Variants in SMIM17 observed in about 807,000 individuals in gnomAD.
The protein encoded by SMIM17 is small integral membrane protein 17.
SMIM17 carries 10 observed loss-of-function variants against 12.2 expected under a neutral mutation model. That is an observed-to-expected ratio of 0.82 (90% CI 0.50 to 1.39). The LOEUF is 1.39. Ranked by LOEUF, SMIM17 falls within the 40% of genes most tolerant of loss-of-function variation. The pLI is 0.00. For missense variants in SMIM17, 136 were observed against 118.2 expected (o/e 1.15, Z -0.70); for synonymous variants, 50 against 44.1 (o/e 1.13, Z -0.53).
chr19:56,643,648 C>T (rs917262715), intron 1 of SMIM17, among the ~76,000 whole-genome samples: 12 of 152,180 alleles, frequency 7.9e-5, no homozygotes, highest in Non-Finnish European at 2.9e-5. Context: ...TGTGTGTCCG[C>T]CTGGGCCCCT....
In SMIM17 at chr19:56,655,398, G is replaced by T. The variant is rs1273841289; in HGVS notation, c.*185G>T. The T allele has an allele frequency of 2.1e-6, 1 of 478,488 alleles. No homozygotes were observed. Among genetic ancestry groups the T allele is most frequent in the Admixed American group, 3.7e-5 (1 of 27,206 alleles). The allele number at this position is 478,488 out of a possible 1,614,324, so 29.6% of individuals were successfully genotyped here. A position where few individuals can be genotyped will look rare whatever the true frequency, so the allele number is the denominator to read the frequency against. ...GAGTTTTCACATACTTTATTTCCAT[G>T]AAATGAAGACATCATTGATTGTAAA... On this transcript the variant is annotated 3_prime_UTR_variant, in exon 4 of 4. Coordinates refer to ENST00000598409, the MANE Select transcript of SMIM17 (RefSeq NM_001193628.2).
intron 3 of SMIM17, 128 bp from the exon 4 acceptor site, chr19:56,654,975 T>A: frequency 2.0e-6 from 1 of 503,436 alleles, no homozygotes; most frequent in South Asian, 3.9e-5. Flanking sequence ...GTTGTACCGT[T>A]TTAAATTCAA....
intron 3 of SMIM17, among the ~76,000 whole-genome samples, chr19:56,648,797 T>C (rs2045087526): frequency 1.3e-5 from 2 of 152,256 alleles, no homozygotes; most frequent in South Asian, 2.1e-4. Flanking sequence ...AAAAACCTAA[T>C]GTTTTCTTTT....
intron 3 of SMIM17, among the ~76,000 whole-genome samples, chr19:56,654,365 G>T (rs1428995937): frequency 6.6e-6 from 1 of 152,220 alleles, no homozygotes; most frequent in Admixed American, 6.5e-5. Context: ...GGCAAGGAAT[G>T]ACGTCAGCGT....
chr19:56,654,170 C>T (rs1289511601), intron 3 of SMIM17, among the ~76,000 whole-genome samples: 1 of 152,180 alleles, frequency 6.6e-6, no homozygotes, highest in Admixed American at 6.5e-5. Flanking sequence ...TTGGTGCTTA[C>T]AGTGTCATTG....
intron 1 of SMIM17, among the ~76,000 whole-genome samples, chr19:56,644,861 C>T (rs1470992656): frequency 6.6e-6 from 1 of 152,220 alleles, no homozygotes; most frequent in Admixed American, 6.5e-5. Context: ...AAGCCTTGAA[C>T]TCCCAGGTTC....
chr19:56,647,378 T>A (rs1259280945), intron 2 of SMIM17, among the ~76,000 whole-genome samples, 180 bp from the exon 3 acceptor site: 2 of 148,032 alleles, frequency 1.4e-5, no homozygotes, highest in Non-Finnish European at 2.9e-5. Flanking sequence ...TGTGGGGTTG[T>A]GTGTTTGTGT....
chr19:56,649,368 A>G (rs2045092075), intron 3 of SMIM17, among the ~76,000 whole-genome samples: 1 of 152,232 alleles, frequency 6.6e-6, no homozygotes, highest in African/African-American at 2.4e-5. Context: ...CACAGAGTGT[A>G]CAATAGTGAG....
rs1000395072 is a variant in SMIM17 at position 56,645,888 on chromosome 19, G to T, written c.169+52G>T. 6 of 1,478,980 alleles carry T rather than the reference G, an allele frequency of 4.1e-6. No homozygotes were observed. In the Admixed American group the frequency reaches 1.4e-4, roughly 34 times the overall value. The allele number at this position is 1,478,980 out of a possible 1,614,324, so 91.6% of individuals were successfully genotyped here. Reference sequence around the variant, plus strand: ...TGAGTGGGTGGAGAGGAAGGAATTGGCAGAGCCTAGGGAAAGACTAAACAT... The same window carrying T: ...TGAGTGGGTGGAGAGGAAGGAATTGTCAGAGCCTAGGGAAAGACTAAACAT... On this transcript the variant is annotated intron_variant, in intron 2 of 3. Coordinates refer to ENST00000598409, the MANE Select transcript of SMIM17 (RefSeq NM_001193628.2).
Position 56,656,597 on chromosome 19 carries a change from A to G in SMIM17, c.*1384A>G, listed in dbSNP as rs1475095833. Among the ~76,000 whole-genome samples, 1 of 152,148 alleles carries G rather than the reference A, an allele frequency of 6.6e-6. No individual in the cohort carries two copies. The highest frequency in any genetic ancestry group is 1.5e-5 in the Non-Finnish European group (1 of 68,024). ...ATATTCTCTTTATATTTTCTATAAT[A>G]GCATACTTATTAACGCAAATGTACT... On this transcript the variant is annotated 3_prime_UTR_variant, in exon 4 of 4. Transcript: ENST00000598409.
At chr19:56,648,393 C>T (rs1256721544) in intron 3 of SMIM17, among the ~76,000 whole-genome samples, 1 of 152,172 alleles carries the variant, frequency 6.6e-6, no homozygotes, top group Middle Eastern at 3.4e-3. Context: ...ATCCATCCAT[C>T]CATCCATCCA....
At chr19:56,644,645 G>A (rs1331061083) in intron 1 of SMIM17, among the ~76,000 whole-genome samples, 1 of 152,144 alleles carries the variant, frequency 6.6e-6, no homozygotes, top group Non-Finnish European at 1.5e-5. Flanking sequence ...CACTGCCTCC[G>A]TCGTCTCTCC....
intron 2 of SMIM17, 87 bp downstream of exon 2, chr19:56,645,923 C>A: frequency 1.5e-6 from 2 of 1,341,790 alleles, no homozygotes; most frequent in South Asian, 3.1e-5. Flanking sequence ...TTCACTCCTT[C>A]ACTCATCCAT....
chr19:56,647,462 C>A, intron 2 of SMIM17, 96 bp from the exon 3 acceptor site: 15 of 750,452 alleles, frequency 2.0e-5, no homozygotes, highest in Non-Finnish European at 2.3e-5. Flanking sequence ...GAGGCTATTA[C>A]TAGAAAAGGG....
chr19:56,643,373 G>T (rs1477465808), intron 1 of SMIM17, among the ~76,000 whole-genome samples, 163 bp downstream of exon 1: 1 of 152,216 alleles, frequency 6.6e-6, no homozygotes, highest in Non-Finnish European at 1.5e-5. Flanking sequence ...AGGGTCCGGG[G>T]AGAGGGCGTC....
chr19:56,647,779 GAC>G (rs1338578711), intron 3 of SMIM17, 145 bp downstream of exon 3: 17 of 690,392 alleles, frequency 2.5e-5, no homozygotes, highest in Non-Finnish European at 9.8e-6. Context: ...ATGGTGATCA[GAC>G]ACAGACTGGA....
chr19:56,647,746 G>C (rs909326167), intron 3 of SMIM17, 112 bp downstream of exon 3: 2 of 875,192 alleles, frequency 2.3e-6, no homozygotes, highest in Non-Finnish European at 3.6e-6. Flanking sequence ...AAAATCTCAA[G>C]AGATCTCTTG....
rs1484714492 is a variant in SMIM17, at chr19:56,655,865, T to C, written c.*652T>C. 6.6e-6 allele frequency: 1 copy of C among 152,186 alleles called. No homozygotes were observed. Among genetic ancestry groups the C allele is most frequent in the Non-Finnish European group, 1.5e-5 (1 of 68,050 alleles). 9.4% of individuals were successfully genotyped at this position (152,186 alleles called of 1,614,324 possible). On this transcript the variant is annotated 3_prime_UTR_variant, in exon 4 of 4. Coordinates refer to ENST00000598409, the MANE Select transcript of SMIM17 (RefSeq NM_001193628.2). ...TGGAGAGAACGTTTCAGCTAATTCT[T>C]GGGCAGCTTTCTTAGTTCTTTACAA...
In SMIM17 at chr19:56,647,987, T is replaced by C. The variant is rs1427499913; in HGVS notation, c.246+353T>C. On this transcript the variant is annotated intron_variant, in intron 3 of 3. Transcript: ENST00000598409. ...CCACCTCTCAAACATCTACTAGCCATTCACTCATCTGTCCACTCTTTCATC... is the reference window on the plus strand; with the variant it reads ...CCACCTCTCAAACATCTACTAGCCACTCACTCATCTGTCCACTCTTTCATC... Among the ~76,000 whole-genome samples the C allele has an allele frequency of 4.6e-5, 7 of 151,800 alleles. No homozygotes were observed. In the East Asian group the frequency reaches 1.4e-3, roughly 30 times the overall value.
Sources: allele counts gnomAD v4.1 joint callset (sites outside exome capture counted in the v4.1 genomes callset), GRCh38; gene constraint gnomAD v4.1.1; transcripts MANE v1.5; gene names NCBI Gene and HGNC (gene_info 2026-07-23, HGNC 2026-07-21).